Variants in NBEAL2 observed in about 807,000 individuals in gnomAD.
NBEAL2 encodes neurobeachin like 2.
Under a neutral mutation model 299.8 loss-of-function variants are expected in NBEAL2, and 160 were observed. That is an observed-to-expected ratio of 0.53 (90% CI 0.47 to 0.61). The LOEUF (loss-of-function observed/expected upper bound fraction) is 0.61, where lower values mean the gene tolerates loss of function less well. Among genes scored for constraint, NBEAL2 ranks in the 20% least tolerant of loss-of-function variants. NBEAL2 has a pLI of 0.00. For missense variants in NBEAL2, 3,112 were observed against 3,649.0 expected, an observed-to-expected ratio of 0.85 and a Z score of 3.79; for synonymous variants, 1,493 against 1,542.3, an observed-to-expected ratio of 0.97 and a Z score of 0.75.
In NBEAL2 at chr3:46,988,891, C is replaced by T. The variant is rs1384325175; in HGVS notation, c.190C>T (p.His64Tyr). ...EVPLLPLDEL[H>Y]VLAEQLHQAD... ...CCCGCTGCTACCACTGGATGAGCTG[C>T]ATGTGCTGGCCGAACAGCTGCACCA... Residue 64 changes from histidine to tyrosine, a missense_variant, in exon 3 of 54, where the codon CAT (histidine) becomes TAT (tyrosine). Transcript: ENST00000450053. The surrounding 1 kb of genome is among the most constrained non-coding windows in gnomAD (Gnocchi z 4.4). 6.2e-7 allele frequency: 1 copy of T among 1,612,434 alleles called. No homozygotes were observed. The highest frequency in any genetic ancestry group is 8.5e-7 in the Non-Finnish European group (1 of 1,178,972).
In NBEAL2 at chr3:47,003,901, C is replaced by T. The variant is rs757726230; in HGVS notation, c.5806C>T (p.Pro1936Ser). 8.1e-6 allele frequency: 13 copies of T among 1,613,720 alleles called. No individual in the cohort carries two copies. Among genetic ancestry groups the T allele is most frequent in the Non-Finnish European group, 1.1e-5 (13 of 1,179,752 alleles). Residue 1936 changes from proline to serine, a missense_variant, in exon 36 of 54, where the codon CCA becomes TCA. Pro to Ser is a moderately conservative substitution (Grantham distance 74). This residue lies in a region of NBEAL2 where 521 missense variants were observed against 729.6 expected (regional missense o/e 0.71). Coordinates refer to ENST00000450053, the MANE Select transcript of NBEAL2 (RefSeq NM_015175.3). This position sits in a 1 kb window ranked among gnomAD's most constrained non-coding sequence, Gnocchi z 7.0. ...GCTGGTGACGGTAGTGGCCGTGGTC[C>T]CAGGGCTGCTGGAGGTCACCACACA... ...CQLVTVVAVV[P>S]GLLEVTTQNV...
rs761603126 is a variant in NBEAL2 at position 47,009,051 on chromosome 3, A to C, written c.8090A>C (p.Lys2697Thr). 6.2e-7 allele frequency: 1 copy of C among 1,601,238 alleles called. No homozygotes were observed. Among genetic ancestry groups the C allele is most frequent in the Non-Finnish European group, 8.5e-7 (1 of 1,179,606 alleles). Residue 2697 changes from lysine (K) to threonine (T), a missense_variant, in exon 53 of 54, where the codon AAG becomes ACG. By Grantham distance (78) the Lys-to-Thr change is moderately conservative. Transcript: ENST00000450053. ...GCCATCCGCAGCGTGGCCGTGACCAAGGAGCGCAGCCACGTGCTGGTGGGC... is the reference window on the plus strand; with the variant it reads ...GCCATCCGCAGCGTGGCCGTGACCACGGAGCGCAGCCACGTGCTGGTGGGC... ...KVAIRSVAVT[K>T]ERSHVLVGLE... is the part of the protein sequence containing the mutation.
intron 51 of NBEAL2, 37 bp from the exon 52 acceptor site, chr3:47,008,483 G>C (rs1324287942): frequency 6.2e-7 from 1 of 1,610,176 alleles, no homozygotes; most frequent in Non-Finnish European, 8.5e-7. Context: ...GGGGCAGTTG[G>C]GATCCTGTCC....
In NBEAL2 at chr3:46,992,500, CCGA is replaced by C. The variant is rs2036178247; in HGVS notation, c.1059_1061del (p.Glu354del). 6.2e-7 allele frequency: 1 copy of C among 1,606,528 alleles called. No homozygotes were observed. The highest frequency in any genetic ancestry group is 1.7e-5 in the Admixed American group (1 of 59,266). ...CTGTACCTGCAGTCCCGGGCGCCCC[CCGA>C]GGGGGACAGTGACCTGGCTACCCGG... On this transcript the variant is annotated inframe_deletion, in exon 10 of 54. Coordinates refer to ENST00000450053, the MANE Select transcript of NBEAL2 (RefSeq NM_015175.3).
chr3:46,984,286 G>C (rs114792327), intron 1 of NBEAL2, among the ~76,000 whole-genome samples: 1 of 152,048 alleles, frequency 6.6e-6, no homozygotes, highest in Non-Finnish European at 1.5e-5. Context: ...AGCCTGGGCC[G>C]GCGACAGAGC....
Position 47,009,526 on chromosome 3 carries a change from C to G in NBEAL2, c.*206C>G, listed in dbSNP as rs562506281. The G allele has an allele frequency of 8.5e-6, 5 of 591,668 alleles. No homozygotes were observed. The highest frequency in any genetic ancestry group is 1.5e-5 in the Non-Finnish European group (5 of 336,652). 36.7% of individuals were successfully genotyped at this position (591,668 alleles called of 1,614,324 possible). ...CGCCCCTCGCCGGCTGAGGGGCCGC[C>G]CTGAGGGCCAGCACTGGCGTCTGCG... On this transcript the variant is annotated 3_prime_UTR_variant, in exon 54 of 54. Coordinates refer to ENST00000450053, the MANE Select transcript of NBEAL2 (RefSeq NM_015175.3).
In NBEAL2 at chr3:47,004,783, T is replaced by C; in HGVS notation, c.6295-189T>C. 1 of 1,060,326 alleles carries C rather than the reference T, an allele frequency of 9.4e-7. No homozygotes were observed. Among genetic ancestry groups the C allele is most frequent in the Non-Finnish European group, 1.4e-6 (1 of 727,718 alleles). 65.7% of individuals were successfully genotyped at this position (1,060,326 alleles called of 1,614,324 possible). On this transcript the variant is annotated intron_variant, in intron 38 of 53. Transcript: ENST00000450053. The surrounding 1 kb of genome is among the most constrained non-coding windows in gnomAD (Gnocchi z 5.0). ...GCCTCACTCCCTTCCCCTCCCTGCCTAGCCTCTATTCCTCAAAAGGAATCC... is the reference window on the plus strand; with the variant it reads ...GCCTCACTCCCTTCCCCTCCCTGCCCAGCCTCTATTCCTCAAAAGGAATCC...
In NBEAL2 at chr3:47,008,163, G is replaced by C; in HGVS notation, c.7696G>C (p.Asp2566His). The C allele has an allele frequency of 6.2e-7, 1 of 1,613,982 alleles. No homozygotes were observed. The highest frequency in any genetic ancestry group is 8.5e-7 in the Non-Finnish European group (1 of 1,179,878). ...CTGTGTGGCCATCAGCACTGAACTT[G>C]ACATGGCTGTGTCTGGATCTGAGGT... Reference protein sequence around the residue: ...VSCVAISTELDMAVSGSEDGT... With the variant: ...VSCVAISTELHMAVSGSEDGT... The change falls in exon 50 of 54, where the codon GAC becomes CAC. Residue 2566 changes from aspartate (D) to histidine (H), a missense_variant. Asp to His is a moderately conservative substitution (Grantham distance 81). Around this residue, in one of 3 missense-constraint regions of NBEAL2, gnomAD observed 348 missense variants for 381.4 expected, o/e 0.91. Transcript: ENST00000450053.
At position 46,982,572 on chromosome 3, in the gene NBEAL2, G is replaced by T. The variant is rs887356961; in HGVS notation, c.51+2660G>T. Among the ~76,000 whole-genome samples the T allele has an allele frequency of 2.6e-5, 4 of 152,318 alleles. No individual in the cohort carries two copies. The highest frequency in any genetic ancestry group is 1.3e-4 in the Admixed American group (2 of 15,308). ...TCAGTTGGAGCTCCTTAGGGCCCTG[G>T]TGGGGAAACCAAGGCAGGGTCCTAC... On this transcript the variant is annotated intron_variant, in intron 1 of 53. Transcript: ENST00000450053. This position sits in a 1 kb window ranked among gnomAD's most constrained non-coding sequence, Gnocchi z 4.2.
chr3:47,006,063 G>T lies in NBEAL2; in HGVS notation c.6919G>T (p.Gly2307Trp). 1 of 1,613,570 alleles carries T rather than the reference G, an allele frequency of 6.2e-7. No homozygotes were observed. The highest frequency in any genetic ancestry group is 8.5e-7 in the Non-Finnish European group (1 of 1,179,702). ...LNVFYYCTYE[G>W]AVDLDHVTDE... The stretch of plus-strand genomic sequence containing the variant: ...TGTCTTCTATTACTGCACCTATGAG[G>T]GTGGGCAGTGCGCTGGACTCCAGTC... Residue 2307 changes from glycine (G) to tryptophan (W), a missense_variant and splice_region_variant, in exon 43 of 54, where the codon GGG becomes TGG. Coordinates refer to ENST00000450053, the MANE Select transcript of NBEAL2 (RefSeq NM_015175.3).
chr3:47,009,166 G>C (rs1247732488), intron 53 of NBEAL2, 42 bp downstream of exon 53: 2 of 1,552,316 alleles, frequency 1.3e-6, no homozygotes, highest in Non-Finnish European at 1.7e-6. Flanking sequence ...CGAACGGGGC[G>C]GGGCGTGGCG....
intron 1 of NBEAL2, among the ~76,000 whole-genome samples, chr3:46,980,732 A>C (rs1437308801): frequency 1.3e-5 from 2 of 152,062 alleles, no homozygotes; most frequent in African/African-American, 4.8e-5. Flanking sequence ...TCAGCTGAGA[A>C]CCTGGTATCA....
intron 25 of NBEAL2, 54 bp from the exon 26 acceptor site, chr3:46,999,576 C>T (rs1254189874): frequency 1.9e-6 from 3 of 1,593,374 alleles, no homozygotes; most frequent in Non-Finnish European, 2.6e-6. Context: ...AGGGCTGGGC[C>T]CTGCCCTTTC....
intron 15 of NBEAL2, 85 bp downstream of exon 15, chr3:46,996,136 T>G: frequency 6.5e-7 from 1 of 1,547,272 alleles, no homozygotes. Context: ...AGCCCTTGTG[T>G]CCCGTGCTGC....
chr3:46,991,993 A>G lies in NBEAL2; in HGVS notation c.1032+47A>G, dbSNP rs775626239. On this transcript the variant is annotated intron_variant, in intron 9 of 53. Transcript: ENST00000450053. This position sits in a 1 kb window ranked among gnomAD's most constrained non-coding sequence, Gnocchi z 6.2. ...GGTGAGGGTCTGGAAGCCAGAGGCT[A>G]GGGGAGCCACGCATAGGTGCCAGGC... The G allele has an allele frequency of 1.3e-6, 2 of 1,499,944 alleles. No homozygotes were observed. The highest frequency in any genetic ancestry group is 2.4e-5 in the East Asian group (1 of 41,244). The allele number at this position is 1,499,944 out of a possible 1,614,324, so 92.9% of individuals were successfully genotyped here. A position where few individuals can be genotyped will look rare whatever the true frequency, so the allele number is the denominator to read the frequency against.
intron 52 of NBEAL2, 36 bp from the exon 53 acceptor site, chr3:47,008,953 A>T: frequency 6.3e-7 from 1 of 1,598,278 alleles, no homozygotes; most frequent in South Asian, 1.1e-5. Flanking sequence ...GCCCCCTTGC[A>T]GTCGCAAGTT....
rs781078971 is a variant in NBEAL2, at chr3:46,989,009, C to CTGTG, written c.269+40_269+43dup. 8 of 1,612,108 alleles carry CTGTG rather than the reference C, an allele frequency of 5.0e-6. No individual in the cohort carries two copies. In the African/African-American group the frequency reaches 6.7e-5, roughly 13 times the overall value. ...CCACTCTACAAGCAGGGGCCTAGAACTGTGGGCCAGAGGGAGAGGGGACAA... is the reference window on the plus strand; with the variant it reads ...CCACTCTACAAGCAGGGGCCTAGAACTGTGTGTGGGCCAGAGGGAGAGGGGACAA... On this transcript the variant is annotated intron_variant, in intron 3 of 53. Coordinates refer to ENST00000450053, the MANE Select transcript of NBEAL2 (RefSeq NM_015175.3). The surrounding 1 kb of genome is among the most constrained non-coding windows in gnomAD (Gnocchi z 5.5).
intron 26 of NBEAL2, 27 bp downstream of exon 26, chr3:46,999,742 G>C (rs1398922238): frequency 6.2e-7 from 1 of 1,604,556 alleles, no homozygotes; most frequent in Non-Finnish European, 8.5e-7. Context: ...AAAGCTTTGG[G>C]GGAGGGGGAG....
At chr3:46,994,969 G>C (rs1308542731) in intron 12 of NBEAL2, 63 bp from the exon 13 acceptor site, 1 of 1,476,738 alleles carries the variant, frequency 6.8e-7, no homozygotes, top group African/African-American at 1.4e-5. Context: ...AATGGAGCCA[G>C]AAAGTCCCAC....
Sources: gnomAD v4.1 joint callset for allele counts (sites outside exome capture counted in the v4.1 genomes callset) on GRCh38, gnomAD v4.1.1 for gene constraint, gnomAD v4.1.1 regional missense constraint, Gnocchi (gnomAD v3.1) non-coding constraint, MANE v1.5 for transcripts, NCBI Gene and HGNC (gene_info 2026-07-23, HGNC 2026-07-21) for gene names.